Variants in ATRX observed in about 807,000 individuals in gnomAD.
The protein encoded by ATRX is chromatin remodeler ATRX.
ATRX carries 12 observed loss-of-function variants against 172.6 expected under a neutral mutation model. That is an observed-to-expected ratio of 0.07 (90% CI 0.04 to 0.11). The LOEUF is 0.11. ATRX is among the 10% of genes least tolerant of loss of function. ATRX has a pLI of 1.00. For synonymous variants in ATRX, 674 were observed against 594.7 expected (o/e 1.13, Z -1.94); for missense variants, 1,368 against 1,767.4 (o/e 0.77, Z 4.05).
chrX:77,535,278 A>G (rs1442477939), intron 30 of ATRX, among the ~76,000 whole-genome samples: 1 of 111,940 alleles, frequency 8.9e-6, no homozygotes, highest in Non-Finnish European at 1.9e-5. Context: ...CCAGATTCCC[A>G]AATTGTTGGT....
At position 77,684,301 on chromosome X, in the gene ATRX, T is replaced by C; in HGVS notation, c.955A>G (p.Lys319Glu). The C allele has an allele frequency of 8.3e-7, 1 of 1,209,134 alleles. No homozygotes were observed. Among genetic ancestry groups the C allele is most frequent in the Non-Finnish European group, 1.1e-6 (1 of 893,040 alleles). Residue 319 changes from lysine to glutamate, a missense_variant, in exon 9 of 35, where the codon AAG becomes GAG. By Grantham distance (56) the Lys-to-Glu change is moderately conservative. This residue lies in a region of ATRX where 843 missense variants were observed against 643.1 expected (regional missense o/e 1.31). Transcript: ENST00000373344. ...TCTCCATTACAATTTGAACTAGTCT[T>C]CTTTGGAGAAAATCTGGATGTATGT... ...YEHTSRFSPK[K>E]TSSNCNGEEK...
intron 34 of ATRX, among the ~76,000 whole-genome samples, chrX:77,510,551 G>A (rs1229957271): frequency 3.7e-5 from 4 of 108,480 alleles, no homozygotes; most frequent in African/African-American, 1.3e-4. Flanking sequence ...CTGGGCTGGA[G>A]GGGAGCCCAC....
At chrX:77,731,657 C>T (rs1389616612) in intron 1 of ATRX, among the ~76,000 whole-genome samples, 8 of 111,485 alleles carry the variant, frequency 7.2e-5, no homozygotes, top group South Asian at 7.5e-4. Flanking sequence ...AAAGAGGATC[C>T]TATGCTTATA....
intron 17 of ATRX, 64 bp downstream of exon 17, chrX:77,634,530 T>G (rs1440196520): frequency 1.1e-6 from 1 of 951,446 alleles, no homozygotes; most frequent in Non-Finnish European, 1.5e-6. Flanking sequence ...TGAAACATAA[T>G]AGAATCCAAT....
intron 6 of ATRX, 61 bp downstream of exon 6, chrX:77,693,763 A>T: frequency 1.0e-6 from 1 of 958,515 alleles, no homozygotes. Context: ...AGCACATCCG[A>T]TTTTCCAATA....
intron 15 of ATRX, among the ~76,000 whole-genome samples, chrX:77,637,501 T>A (rs185395091): frequency 3.6e-5 from 4 of 111,391 alleles, no homozygotes; most frequent in African/African-American, 9.8e-5. Context: ...TTGAGTATCA[T>A]GACACTGAGA....
intron 1 of ATRX, among the ~76,000 whole-genome samples, chrX:77,732,567 A>G (rs1484288465): frequency 8.9e-6 from 1 of 112,010 alleles, no homozygotes; most frequent in African/African-American, 3.2e-5. Context: ...GACACATTAA[A>G]AAGATCATTC....
In ATRX at chrX:77,759,270, C is replaced by T. The variant is rs782246075; in HGVS notation, c.20+26712G>A. On this transcript the variant is annotated intron_variant, in intron 1 of 34. Coordinates refer to ENST00000373344, the MANE Select transcript of ATRX (RefSeq NM_000489.6). ...CAGTGGAAGTATAAATCAGAAGAAC[C>T]ATTAGGGAGAAAGAAACTCTAGCAT... Among the ~76,000 whole-genome samples, 9 of 110,530 alleles carry T rather than the reference C, an allele frequency of 8.1e-5. No homozygotes were observed. The East Asian group carries it at 2.2e-3, about 28-fold the overall frequency.
At chrX:77,633,805 T>C (rs2068220402) in intron 17 of ATRX, 93 bp from the exon 18 acceptor site, 2 of 968,321 alleles carry the variant, frequency 2.1e-6, no homozygotes, top group Admixed American at 5.5e-5. Context: ...TTGTTTTGCT[T>C]AAACAATAAA....
At chrX:77,667,862 A>C (rs901904360) in intron 10 of ATRX, among the ~76,000 whole-genome samples, 1 of 112,026 alleles carries the variant, frequency 8.9e-6, no homozygotes, top group Non-Finnish European at 1.9e-5. Flanking sequence ...AAGCCAAAAA[A>C]TTACAAACTT....
rs1308286416 is a variant in ATRX, at chrX:77,508,766, G to A, written c.7201-137C>T. ...CATTATTGTTAACACCATTACTAAT[G>A]TGATGGCATTCACAGGACCATTACT... On this transcript the variant is annotated intron_variant, in intron 34 of 34. Transcript: ENST00000373344. 9 of 665,644 alleles carry A rather than the reference G, an allele frequency of 1.4e-5. No homozygotes were observed. The East Asian group carries it at 2.9e-4, about 21-fold the overall frequency. The allele number at this position is 665,644 out of a possible 1,213,427, so 54.9% of individuals were successfully genotyped here. A position where few individuals can be genotyped will look rare whatever the true frequency, so the allele number is the denominator to read the frequency against.
At chrX:77,644,233 C>T (rs782367404) in intron 15 of ATRX, among the ~76,000 whole-genome samples, 11 of 113,078 alleles carry the variant, frequency 9.7e-5, no homozygotes, top group African/African-American at 3.5e-4. Flanking sequence ...TGAGCCACCA[C>T]ACCCAGCAGA....
At chrX:77,529,109 G>GA (rs1287463390) in intron 30 of ATRX, among the ~76,000 whole-genome samples, 1 of 111,629 alleles carries the variant, frequency 9.0e-6, no homozygotes, top group Non-Finnish European at 1.9e-5. Context: ...CAAGAATAGA[G>GA]AAAAAAGAAT....
intron 1 of ATRX, among the ~76,000 whole-genome samples, chrX:77,748,501 C>T (rs960187783): frequency 5.4e-5 from 6 of 111,221 alleles, no homozygotes; most frequent in African/African-American, 2.0e-4. Context: ...GTGTTCAAAC[C>T]ATATAAATAT....
chrX:77,677,347 T>C (rs1273725748), intron 9 of ATRX, among the ~76,000 whole-genome samples: 2 of 111,579 alleles, frequency 1.8e-5, no homozygotes, highest in African/African-American at 6.5e-5. Flanking sequence ...CATGATTCCA[T>C]TTCAAAATAG....
chrX:77,541,579 G>C (rs190552696), intron 30 of ATRX, among the ~76,000 whole-genome samples: 99 of 111,642 alleles, frequency 8.9e-4, no homozygotes, highest in African/African-American at 3.1e-3. Context: ...TAAAATACTG[G>C]CAAACCGAAT....
chrX:77,614,308 G>GC (rs1436186473), intron 22 of ATRX, among the ~76,000 whole-genome samples: 2 of 111,680 alleles, frequency 1.8e-5, no homozygotes, highest in African/African-American at 6.5e-5. Flanking sequence ...AACCCACTTG[G>GC]CCTTTTATGA....
At chrX:77,510,023 T>A (rs1308233902) in intron 34 of ATRX, among the ~76,000 whole-genome samples, 1 of 109,940 alleles carries the variant, frequency 9.1e-6, no homozygotes, top group Non-Finnish European at 1.9e-5. Flanking sequence ...CAGGAGAGAC[T>A]CTTTCCTTTT....
chrX:77,694,529 G>A (rs2072075420), intron 5 of ATRX, among the ~76,000 whole-genome samples: 1 of 111,021 alleles, frequency 9.0e-6, no homozygotes, highest in Non-Finnish European at 1.9e-5. Context: ...AACAGATTAA[G>A]ATACTTTAGC....
Sources: allele counts gnomAD v4.1 joint callset (sites outside exome capture counted in the v4.1 genomes callset), GRCh38; gene constraint gnomAD v4.1.1; regional missense constraint gnomAD v4.1.1; transcripts MANE v1.5; gene names NCBI Gene and HGNC (gene_info 2026-07-23, HGNC 2026-07-21).